LRP5: variants seen among roughly 807,000 people sequenced by gnomAD.
The protein encoded by LRP5 is LDL receptor related protein 5, also known as low-density lipoprotein receptor-related protein 5.
In LRP5, 62 loss-of-function variants were observed where a neutral mutation model predicts 154.1. That is an observed-to-expected ratio of 0.40 (90% confidence interval 0.33 to 0.50). The LOEUF (loss-of-function observed/expected upper bound fraction) is 0.50, where lower values mean the gene tolerates loss of function less well. LRP5 is among the 20% of genes least tolerant of loss of function. The pLI is 0.55. For missense variants in LRP5, 1,915 were observed against 2,336.7 expected (o/e 0.82, Z 3.72); for synonymous variants, 966 against 1,011.5 (o/e 0.96, Z 0.85).
chr11:68,357,818 C>G lies in LRP5; in HGVS notation c.657C>G (p.Ile219Met). 1 of 1,613,552 alleles carries G rather than the reference C, an allele frequency of 6.2e-7. No homozygotes were observed. Among genetic ancestry groups the G allele is most frequent in the Non-Finnish European group, 8.5e-7 (1 of 1,179,762 alleles). ...LYWADAKLSF[I>M]HRANLDGSFR... ...GGGCTGACGCCAAGCTCAGCTTCAT[C>G]CACCGTGCCAACCTGGACGGCTCGT... Residue 219 changes from isoleucine to methionine, a missense_variant, in exon 3 of 23, where the codon ATC (isoleucine) becomes ATG (methionine). Coordinates refer to ENST00000294304, the MANE Select transcript of LRP5 (RefSeq NM_002335.4).
chr11:68,420,189 G>C (rs1191208925), intron 13 of LRP5, among the ~76,000 whole-genome samples: 1 of 152,190 alleles, frequency 6.6e-6, no homozygotes, highest in South Asian at 2.1e-4. Context: ...CTTCTCGGCA[G>C]ATGTCCGAAA....
chr11:68,361,101 T>G (rs1325787254), intron 3 of LRP5, among the ~76,000 whole-genome samples: 2 of 141,492 alleles, frequency 1.4e-5, no homozygotes, highest in East Asian at 4.3e-4. Context: ...GTCAGGAGAT[T>G]GAGATCATCC....
chr11:68,444,367 A>T (rs2098680308), intron 21 of LRP5, among the ~76,000 whole-genome samples: 1 of 152,094 alleles, frequency 6.6e-6, no homozygotes, highest in Non-Finnish European at 1.5e-5. Flanking sequence ...ATACAAAAAA[A>T]TTAGCTGGGT....
At chr11:68,352,119 G>A (rs533256821) in intron 2 of LRP5, among the ~76,000 whole-genome samples, 6 of 152,252 alleles carry the variant, frequency 3.9e-5, no homozygotes, top group East Asian at 1.9e-4. Flanking sequence ...GGTGGGTGGC[G>A]TGGGGGCAGG....
At chr11:68,301,661 C>A in the LRP5 span, among the ~76,000 whole-genome samples, 2 of 144,036 alleles carry the variant, frequency 1.4e-5, no homozygotes, top group Non-Finnish European at 3.1e-5. Flanking sequence ...TTCACTCTGT[C>A]GCCCAGGCTG....
rs1341944904 is a variant in LRP5 at position 68,384,969 on chromosome 11, G to A, written c.1016-1347G>A. 3.9e-5 allele frequency among the ~76,000 whole-genome samples: 6 copies of A among 152,196 alleles called. No individual in the cohort carries two copies. In the East Asian group the frequency reaches 9.6e-4, roughly 24 times the overall value. ...GCTCTCAGAGTGTTGCTGTGGCCAC[G>A]GAGGGAGCCTGAGTTAAGCTTCTCT... is the stretch of plus-strand genomic sequence containing the variant. On this transcript the variant is annotated intron_variant, in intron 5 of 22. Coordinates refer to ENST00000294304, the MANE Select transcript of LRP5 (RefSeq NM_002335.4).
At chr11:68,419,406 G>A (rs1485908141) in intron 13 of LRP5, among the ~76,000 whole-genome samples, 2 of 150,710 alleles carry the variant, frequency 1.3e-5, no homozygotes, top group Non-Finnish European at 3.0e-5. Flanking sequence ...CTGATTTTTT[G>A]TATTTTTTTT....
the LRP5 span, among the ~76,000 whole-genome samples, chr11:68,306,185 G>C: frequency 4.6e-5 from 7 of 152,052 alleles, no homozygotes; most frequent in Non-Finnish European, 1.0e-4. Flanking sequence ...CCTCAGGCTG[G>C]AGTGCAGTGG....
At chr11:68,315,454 G>T (rs1023181076) in intron 1 of LRP5, among the ~76,000 whole-genome samples, 4 of 152,204 alleles carry the variant, frequency 2.6e-5, no homozygotes, top group Non-Finnish European at 4.4e-5. Flanking sequence ...CTGCGCCCAG[G>T]GTCTGATTCC....
At position 68,314,524 on chromosome 11, in the gene LRP5, C is replaced by T. The variant is rs140278234; in HGVS notation, c.91+1719C>T. Among the ~76,000 whole-genome samples the T allele has an allele frequency of 6.4e-3, 968 of 152,314 alleles. 8 individuals are homozygous for T. The highest frequency in any genetic ancestry group is 0.022 in the African/African-American group (932 of 41,568). ...GTGAAATACATGCCTCGGACCTCAG[C>T]GAAGCCAGTAAGTGGGCCGCTAATT... On this transcript the variant is annotated intron_variant, in intron 1 of 22. Transcript: ENST00000294304.
chr11:68,324,903 G>A (rs1450873621), intron 1 of LRP5, among the ~76,000 whole-genome samples: 1 of 152,236 alleles, frequency 6.6e-6, no homozygotes, highest in Non-Finnish European at 1.5e-5. Context: ...GCACGCCACT[G>A]GGTGCTAGGC....
chr11:68,307,722 G>T (rs2098584745), upstream of LRP5, among the ~76,000 whole-genome samples: 1 of 151,946 alleles, frequency 6.6e-6, no homozygotes, highest in East Asian at 1.9e-4. Flanking sequence ...GGAGGCTGTG[G>T]TAGGAGGATC....
intron 7 of LRP5, among the ~76,000 whole-genome samples, chr11:68,400,581 A>AAATC (rs2098652094): frequency 6.6e-6 from 1 of 151,170 alleles, no homozygotes; most frequent in African/African-American, 2.4e-5. Context: ...ATAAATAAAT[A>AAATC]AATACAAAAT....
chr11:68,443,626 C>G (rs2098679845), intron 21 of LRP5, among the ~76,000 whole-genome samples: 1 of 110,498 alleles, frequency 9.0e-6, no homozygotes, highest in Non-Finnish European at 1.7e-5. Context: ...GCCTTCCCTG[C>G]TCTGATCATA....
At chr11:68,326,031 G>A (rs1441822015) in intron 1 of LRP5, among the ~76,000 whole-genome samples, 1 of 152,244 alleles carries the variant, frequency 6.6e-6, no homozygotes, top group African/African-American at 2.4e-5. Flanking sequence ...GCTCTGCATA[G>A]TGTGGCCTGG....
At chr11:68,345,566 C>T (rs1462991409) in intron 1 of LRP5, among the ~76,000 whole-genome samples, 9 of 152,214 alleles carry the variant, frequency 5.9e-5, no homozygotes, top group Admixed American at 5.2e-4. Context: ...GGATTACAGG[C>T]GTGAGCCACC....
intron 3 of LRP5, among the ~76,000 whole-genome samples, chr11:68,362,769 A>G (rs1443442044): frequency 1.3e-5 from 2 of 152,166 alleles, no homozygotes; most frequent in African/African-American, 4.8e-5. Flanking sequence ...ATCAACAAAA[A>G]TGAACAGAAG....
At chr11:68,310,198 A>G (rs4988327), upstream of LRP5, among the ~76,000 whole-genome samples, 8,558 of 152,226 alleles carry the variant, frequency 0.056, 287 homozygotes, top group Middle Eastern at 0.088. Flanking sequence ...TGTGGTTTGC[A>G]ATTTTCAACA....
At position 68,386,316 on chromosome 11, in the gene LRP5, G is replaced by A; in HGVS notation, c.1016G>A (p.Gly339Glu). The A allele has an allele frequency of 6.2e-7, 1 of 1,611,544 alleles. No homozygotes were observed. Among genetic ancestry groups the A allele is most frequent in the African/African-American group, 1.3e-5 (1 of 75,052 alleles). ...GACCCCATTGCACCTGTCTCCACAG[G>A]AGCCGAGGAGGTGCTGCTGCTGGCC... ...LQDNGRTCKA[G>E]AEEVLLLARR... Residue 339 changes from glycine (G) to glutamate (E), a missense_variant and splice_region_variant, in exon 6 of 23, where the codon GGA becomes GAA. Coordinates refer to ENST00000294304, the MANE Select transcript of LRP5 (RefSeq NM_002335.4). This position sits in a 1 kb window ranked among gnomAD's most constrained non-coding sequence, Gnocchi z 7.9.
Sources: allele counts gnomAD v4.1 joint callset (sites outside exome capture counted in the v4.1 genomes callset), GRCh38; gene constraint gnomAD v4.1.1; non-coding constraint Gnocchi (gnomAD v3.1); transcripts MANE v1.5; gene names NCBI Gene and HGNC (gene_info 2026-07-23, HGNC 2026-07-21).